ERC2: variants seen among roughly 807,000 people sequenced by gnomAD.
ERC2 encodes ERC protein 2.
Under a neutral mutation model 114.8 loss-of-function variants are expected in ERC2, and 42 were observed. That is an observed-to-expected ratio of 0.37 (90% CI 0.29 to 0.47). The LOEUF is 0.47. Among genes scored for constraint, ERC2 ranks in the 20% least tolerant of loss-of-function variants. ERC2 has a pLI of 0.99. For synonymous variants in ERC2, 454 were observed against 425.5 expected, an observed-to-expected ratio of 1.07 and a Z score of -0.82; for missense variants, 939 against 1,150.7, an observed-to-expected ratio of 0.82 and a Z score of 2.66.
intron 15 of ERC2, among the ~76,000 whole-genome samples, chr3:55,710,183 T>C (rs964627946): frequency 1.3e-5 from 2 of 151,632 alleles, no homozygotes; most frequent in African/African-American, 2.4e-5. Context: ...CTATGAGGAG[T>C]CACATACTCC....
chr3:56,465,678 T>C (rs1269780594), intron 1 of ERC2, among the ~76,000 whole-genome samples: 2 of 152,250 alleles, frequency 1.3e-5, no homozygotes, highest in Non-Finnish European at 2.9e-5. Context: ...ATCATTAAGT[T>C]TGGAACCAAA....
rs180676899 is a variant in ERC2 at position 56,315,272 on chromosome 3, A to T, written c.658-18837T>A. ...TTTAGAGAAATTTTTTTTCCTAAAA[A>T]TCTATGTGAGATAAATGTTAAGAAT... On this transcript the variant is annotated intron_variant, in intron 2 of 17. Coordinates refer to ENST00000288221, the MANE Select transcript of ERC2 (RefSeq NM_015576.3). 2.4e-3 allele frequency among the ~76,000 whole-genome samples: 372 copies of T among 152,328 alleles called. 3 individuals carry two copies. The highest frequency in any genetic ancestry group is 8.7e-3 in the African/African-American group (361 of 41,574).
intron 15 of ERC2, among the ~76,000 whole-genome samples, chr3:55,721,127 C>G (rs529806855): frequency 4.1e-4 from 62 of 152,312 alleles, no homozygotes; most frequent in African/African-American, 1.5e-3. Flanking sequence ...GCAATTGTAT[C>G]TTGATGGGAA....
At chr3:55,708,738 A>AAAAT (rs549587457) in intron 15 of ERC2, among the ~76,000 whole-genome samples, 3,236 of 152,016 alleles carry the variant, frequency 0.021, 115 homozygotes, top group African/African-American at 0.07. Flanking sequence ...TAAAAAGACA[A>AAAAT]AAATAAATAA....
At chr3:55,660,331 C>T (rs569720464) in intron 17 of ERC2, among the ~76,000 whole-genome samples, 2 of 152,318 alleles carry the variant, frequency 1.3e-5, no homozygotes, top group Admixed American at 1.3e-4. Flanking sequence ...TCCATCACAA[C>T]TTCCACCCCT....
At chr3:55,931,035 A>G (rs2066048878) in intron 13 of ERC2, among the ~76,000 whole-genome samples, 1 of 152,262 alleles carries the variant, frequency 6.6e-6, no homozygotes, top group Non-Finnish European at 1.5e-5. Flanking sequence ...AGAAATGCAA[A>G]TCAAAACCAC....
chr3:55,694,908 C>T (rs879480446), intron 16 of ERC2, among the ~76,000 whole-genome samples: 4 of 152,124 alleles, frequency 2.6e-5, no homozygotes, highest in Admixed American at 1.3e-4. Flanking sequence ...GGGTGTGGAC[C>T]TCATGCTGAT....
chr3:56,213,464 G>T (rs1037921540), intron 3 of ERC2, among the ~76,000 whole-genome samples: 1 of 152,188 alleles, frequency 6.6e-6, no homozygotes, highest in Non-Finnish European at 1.5e-5. Context: ...AGAGAGGCTG[G>T]GGGAGGGGCG....
At chr3:55,994,823 CAAGT>C (rs1351799978) in intron 10 of ERC2, among the ~76,000 whole-genome samples, 7 of 151,990 alleles carry the variant, frequency 4.6e-5, no homozygotes, top group South Asian at 4.1e-4. Context: ...TCTTTTCAAA[CAAGT>C]AAGTAAGTAT....
intron 3 of ERC2, among the ~76,000 whole-genome samples, chr3:56,210,232 T>C (rs1212914226): frequency 2.0e-5 from 3 of 152,160 alleles, no homozygotes; most frequent in African/African-American, 7.2e-5. Context: ...TGTGCATTTG[T>C]GTTTCCTTTA....
chr3:56,008,415 C>T (rs1483718590), intron 9 of ERC2, among the ~76,000 whole-genome samples: 1 of 152,126 alleles, frequency 6.6e-6, no homozygotes, highest in East Asian at 1.9e-4. Flanking sequence ...AAGGCAGATA[C>T]AGGTCTCAAA....
At chr3:55,701,316 A>T (rs1397450397) in intron 15 of ERC2, among the ~76,000 whole-genome samples, 1 of 152,006 alleles carries the variant, frequency 6.6e-6, no homozygotes, top group Admixed American at 6.6e-5. Flanking sequence ...GAACATGGAG[A>T]TTTTCTGGGT....
intron 17 of ERC2, among the ~76,000 whole-genome samples, chr3:55,633,740 C>T (rs1480215808): frequency 1.3e-5 from 2 of 152,196 alleles, no homozygotes; most frequent in East Asian, 3.8e-4. Context: ...TTACATTCTG[C>T]TGAGTCCAGG....
chr3:56,307,804 C>A (rs1022117998), intron 2 of ERC2, among the ~76,000 whole-genome samples: 1 of 148,790 alleles, frequency 6.7e-6, no homozygotes, highest in African/African-American at 2.5e-5. Flanking sequence ...ATCATATAAT[C>A]ATGTATTCAC....
intron 2 of ERC2, among the ~76,000 whole-genome samples, chr3:56,317,704 T>C (rs1415868135): frequency 6.6e-6 from 1 of 152,196 alleles, no homozygotes; most frequent in Non-Finnish European, 1.5e-5. Flanking sequence ...CGAGACACAG[T>C]ACCTGACCTC....
intron 17 of ERC2, among the ~76,000 whole-genome samples, chr3:55,618,264 C>T (rs905405163): frequency 3.4e-4 from 52 of 152,224 alleles, no homozygotes; most frequent in African/African-American, 1.3e-3. Context: ...GGGGTAAGTA[C>T]AGAGAGGTGG....
At chr3:56,302,262 G>A (rs1358430421) in intron 2 of ERC2, among the ~76,000 whole-genome samples, 1 of 152,068 alleles carries the variant, frequency 6.6e-6, no homozygotes, top group Non-Finnish European at 1.5e-5. Context: ...GGGGGTAACT[G>A]TACACTTTGA....
intron 2 of ERC2, among the ~76,000 whole-genome samples, chr3:56,372,713 G>C (rs147973260): frequency 1.2e-3 from 183 of 152,134 alleles, no homozygotes; most frequent in African/African-American, 3.9e-3. Flanking sequence ...GGGTGACAGA[G>C]AGACACTCTG....
At chr3:55,514,943 G>A (rs1360431107) in intron 17 of ERC2, among the ~76,000 whole-genome samples, 2 of 152,158 alleles carry the variant, frequency 1.3e-5, no homozygotes, top group African/African-American at 4.8e-5. Context: ...CACCACGCTG[G>A]GTCAGGCAGT....
Sources: gnomAD v4.1 joint callset for allele counts (sites outside exome capture counted in the v4.1 genomes callset) on GRCh38, gnomAD v4.1.1 for gene constraint, MANE v1.5 for transcripts, NCBI Gene and HGNC (gene_info 2026-07-23, HGNC 2026-07-21) for gene names.